The following VIPR1 variants were observed in gnomAD, a reference collection of about 807,000 sequenced individuals.
The protein encoded by VIPR1 is vasoactive intestinal peptide receptor 1, also known as vasoactive intestinal polypeptide receptor 1.
A neutral mutation model predicts 58.8 loss-of-function variants in VIPR1; 59 were observed. The ratio of observed to expected loss-of-function variants is 1.00; its 90% CI spans 0.81 to 1.25. The LOEUF is 1.25. Ranked by LOEUF, VIPR1 falls within the 50% of genes most tolerant of loss-of-function variation. VIPR1 has a pLI of 0.00. For missense variants in VIPR1, 626 were observed against 602.7 expected (o/e 1.04, Z -0.40); for synonymous variants, 251 against 242.1 (o/e 1.04, Z -0.34).
chr3:42,522,158 C>A (rs1700981135), intron 3 of VIPR1, among the ~76,000 whole-genome samples: 1 of 124,664 alleles, frequency 8.0e-6, no homozygotes, highest in African/African-American at 3.0e-5. Flanking sequence ...GTCCCCCAGG[C>A]TGGAGTGCAG....
chr3:42,536,402 C>A lies in VIPR1; in HGVS notation c.*121C>A. On this transcript the variant is annotated 3_prime_UTR_variant, in exon 13 of 13. Coordinates refer to ENST00000325123, the MANE Select transcript of VIPR1 (RefSeq NM_004624.4). ...CCCCGGCCCTGGGCTCGGAGGCTGC[C>A]CCCGGCCCCCTGGTCTCTGGTCCGG... 3 of 1,098,668 alleles carry A rather than the reference C, an allele frequency of 2.7e-6. No individual in the cohort carries two copies. The highest frequency in any genetic ancestry group is 1.6e-5 in the African/African-American group (1 of 60,608). 68.1% of individuals were successfully genotyped at this position (1,098,668 alleles called of 1,614,324 possible).
intron 3 of VIPR1, among the ~76,000 whole-genome samples, chr3:42,523,527 C>G (rs1169038232): frequency 1.3e-5 from 2 of 151,936 alleles, no homozygotes; most frequent in African/African-American, 2.4e-5. Flanking sequence ...CTTGGGATCC[C>G]CATTTTTTGA....
rs748528349 is a variant in VIPR1 at position 42,534,956 on chromosome 3, GTCCC to G, written c.1011-14_1011-11del. 4 of 1,613,926 alleles carry G rather than the reference GTCCC, an allele frequency of 2.5e-6. No individual in the cohort carries two copies. Among genetic ancestry groups the G allele is most frequent in the South Asian group, 2.2e-5 (2 of 91,056 alleles). On this transcript the variant is annotated splice_polypyrimidine_tract_variant and intron_variant, in intron 10 of 12. Coordinates refer to ENST00000325123, the MANE Select transcript of VIPR1 (RefSeq NM_004624.4). The stretch of plus-strand genomic sequence containing the variant: ...GTGTGGACACACATACCCATGGCCT[GTCCC>G]TCCCCTGTCTCCAGAAGGCTAGCCA...
At chr3:42,526,711 C>G (rs1042411527) in intron 4 of VIPR1, among the ~76,000 whole-genome samples, 3 of 152,184 alleles carry the variant, frequency 2.0e-5, no homozygotes, top group African/African-American at 7.2e-5. Flanking sequence ...AACCACTTGC[C>G]TCTCCTCAGG....
rs17074546 is a variant in VIPR1, at chr3:42,525,981, G to A, written c.387G>A (p.Ala129=). The change falls in exon 4 of 13, where the codon GCG becomes GCA. Residue 129 remains alanine, a synonymous_variant. Coordinates refer to ENST00000325123, the MANE Select transcript of VIPR1 (RefSeq NM_004624.4). ...PIACGLDDKA[A]SLDEQQTMFY... ...CCTGTGGTTTGGATGACAAGGCAGC[G>A]AGTTTGGATGAGGTGGGTCTCAGGG... The A allele has an allele frequency of 3.0e-3, 4,883 of 1,611,760 alleles. 135 individuals are homozygous for A. In the African/African-American group the frequency reaches 0.055, roughly 18 times the overall value.
chr3:42,493,621 T>A (rs541808044), intron 1 of VIPR1, among the ~76,000 whole-genome samples: 1 of 152,096 alleles, frequency 6.6e-6, no homozygotes, highest in Non-Finnish European at 1.5e-5. Flanking sequence ...TTGGCCCCAG[T>A]CCTAGAACCC....
upstream of VIPR1, among the ~76,000 whole-genome samples, chr3:42,499,002 T>C (rs1042596854): frequency 2.6e-5 from 4 of 152,062 alleles, no homozygotes; most frequent in African/African-American, 9.7e-5. Context: ...GGGGAGGTGG[T>C]GATCACTCCA....
chr3:42,506,235 G>A (rs1045231246), intron 1 of VIPR1, among the ~76,000 whole-genome samples: 3 of 152,172 alleles, frequency 2.0e-5, no homozygotes, highest in Admixed American at 1.3e-4. Context: ...CCTTCACAAC[G>A]TGGGCAGCCT....
At chr3:42,535,697 T>A (rs550885821) in intron 12 of VIPR1, among the ~76,000 whole-genome samples, 39 of 152,302 alleles carry the variant, frequency 2.6e-4, no homozygotes, top group Non-Finnish European at 4.1e-4. Context: ...AGTGGCTGTG[T>A]GCAGTGAGTG....
intron 4 of VIPR1, among the ~76,000 whole-genome samples, chr3:42,526,957 G>A (rs892879414): frequency 2.0e-5 from 3 of 152,066 alleles, no homozygotes; most frequent in African/African-American, 4.8e-5. Context: ...CCGCAACCTC[G>A]CATACCTCTC....
Position 42,536,536 on chromosome 3 carries a change from T to G in VIPR1, c.*255T>G. The G allele has an allele frequency of 4.8e-6, 2 of 417,686 alleles. No homozygotes were observed. Among genetic ancestry groups the G allele is most frequent in the Non-Finnish European group, 8.4e-6 (2 of 238,274 alleles). The allele number at this position is 417,686 out of a possible 1,614,324, so 25.9% of individuals were successfully genotyped here. Reference sequence around the variant, plus strand: ...TGCAGGTGGAACTCAGTCATTAGACTCCTCCTCCAAAGGCCCCCTACGCCA... The same window carrying G: ...TGCAGGTGGAACTCAGTCATTAGACGCCTCCTCCAAAGGCCCCCTACGCCA... On this transcript the variant is annotated 3_prime_UTR_variant, in exon 13 of 13. Transcript: ENST00000325123.
intron 10 of VIPR1, chr3:42,532,565 T>C: frequency 1.7e-6 from 1 of 594,128 alleles, no homozygotes; most frequent in Non-Finnish European, 3.0e-6. Context: ...CACACTCACC[T>C]AGCATCCTTC....
chr3:42,503,323 G>A (rs1234980505), intron 1 of VIPR1, among the ~76,000 whole-genome samples: 1 of 152,124 alleles, frequency 6.6e-6, no homozygotes, highest in Non-Finnish European at 1.5e-5. Context: ...TGAGTGACAG[G>A]CACATCCCTC....
chr3:42,534,555 T>C (rs13074764), intron 10 of VIPR1: 1 of 156,294 alleles, frequency 6.4e-6, no homozygotes, highest in Non-Finnish European at 1.4e-5. Flanking sequence ...TCTACTGCTC[T>C]TGATGGCTGA....
chr3:42,536,060 A>T, intron 12 of VIPR1, 30 bp from the exon 13 acceptor site: 1 of 1,563,314 alleles, frequency 6.4e-7, no homozygotes, highest in Non-Finnish European at 8.7e-7. Flanking sequence ...GCTCCACAGC[A>T]GTGGGCCTGA....
chr3:42,535,459 T>C, intron 12 of VIPR1, 75 bp downstream of exon 12: 4 of 1,518,830 alleles, frequency 2.6e-6, no homozygotes, highest in Non-Finnish European at 2.7e-6. Context: ...TGGTGGGATA[T>C]GTGCAGAGCA....
intron 1 of VIPR1, chr3:42,511,968 A>T (rs1700381971): frequency 6.6e-6 from 1 of 152,258 alleles, no homozygotes; most frequent in African/African-American, 2.4e-5. Flanking sequence ...AGTTTCCTTG[A>T]AGTCTCCTAT....
In VIPR1 at chr3:42,502,794, C is replaced by T. The variant is rs1699927563; in HGVS notation, c.59C>T (p.Ala20Val). The part of the protein sequence containing the change: ...RWLCVLAGAL[A>V]WALGPAGGQA... ...CTATGCGTGCTGGCAGGCGCCCTCG[C>T]CTGGGCCCTTGGGCCGGCGGTGAGT... is the stretch of plus-strand genomic sequence containing the variant. Residue 20 changes from alanine to valine, a missense_variant, in exon 1 of 13, where the codon GCC becomes GTC. Coordinates refer to ENST00000325123, the MANE Select transcript of VIPR1 (RefSeq NM_004624.4). 3 of 1,274,478 alleles carry T rather than the reference C, an allele frequency of 2.4e-6. No homozygotes were observed. The allele number at this position is 1,274,478 out of a possible 1,614,324, so 78.9% of individuals were successfully genotyped here. A position where few individuals can be genotyped will look rare whatever the true frequency, so the allele number is the denominator to read the frequency against.
At chr3:42,510,471 T>C (rs1700308460) in intron 1 of VIPR1, among the ~76,000 whole-genome samples, 1 of 152,094 alleles carries the variant, frequency 6.6e-6, no homozygotes, top group African/African-American at 2.4e-5. Context: ...GGAGAGGAAG[T>C]CCAAAGTCTG....
Sources: gnomAD v4.1 joint callset for allele counts (sites outside exome capture counted in the v4.1 genomes callset) on GRCh38, gnomAD v4.1.1 for gene constraint, MANE v1.5 for transcripts, NCBI Gene and HGNC (gene_info 2026-07-23, HGNC 2026-07-21) for gene names.